COL8A1: variants seen among roughly 807,000 people sequenced by gnomAD.
COL8A1 encodes the protein collagen type VIII alpha 1 chain, also known as collagen alpha-1(VIII) chain.
In COL8A1, 21 loss-of-function variants were observed where a neutral mutation model predicts 42.7. The observed-to-expected ratio is 0.49, with a 90% CI of 0.35 to 0.71. COL8A1 has a LOEUF of 0.71. Ranked by LOEUF, COL8A1 falls within the 30% of genes least tolerant of loss-of-function variation. The pLI is 0.01. For synonymous variants in COL8A1, 367 were observed against 369.1 expected (o/e 0.99, Z 0.06); for missense variants, 788 against 962.4 (o/e 0.82, Z 2.40).
chr3:99,662,754 T>G (rs1259344170), intron 1 of COL8A1, among the ~76,000 whole-genome samples: 3 of 152,190 alleles, frequency 2.0e-5, no homozygotes, highest in African/African-American at 7.2e-5. Flanking sequence ...TAGCTTCTGA[T>G]GGTTTGCTGG....
At chr3:99,707,901 T>TTAC (rs1163832117) in intron 1 of COL8A1, among the ~76,000 whole-genome samples, 1 of 150,624 alleles carries the variant, frequency 6.6e-6, no homozygotes, top group Non-Finnish European at 1.5e-5. Flanking sequence ...GATAGTGTTT[T>TTAC]TATTATTATT....
chr3:99,722,057 C>G (rs953891890), intron 1 of COL8A1, among the ~76,000 whole-genome samples: 1 of 151,978 alleles, frequency 6.6e-6, no homozygotes, highest in African/African-American at 2.4e-5. Context: ...ATGCTATGAA[C>G]TTTTTTCAAT....
chr3:99,656,250 G>T lies in COL8A1; in HGVS notation c.-129+17586G>T, dbSNP rs545050252. On this transcript the variant is annotated intron_variant, in intron 1 of 3. Transcript: ENST00000652472. Reference sequence around the variant, plus strand: ...TTTATTCTAATATGTGTGTGTCTATGCAAACACACATGCATAAATGCATAT... The same window carrying T: ...TTTATTCTAATATGTGTGTGTCTATTCAAACACACATGCATAAATGCATAT... Among the ~76,000 whole-genome samples the T allele has an allele frequency of 1.4e-4, 22 of 152,272 alleles. No individual in the cohort carries two copies. The South Asian group carries it at 1.7e-3, about 11-fold the overall frequency.
In COL8A1 at chr3:99,654,548, G is replaced by A. The variant is rs139717461; in HGVS notation, c.-129+15884G>A. Among the ~76,000 whole-genome samples, 1,283 of 152,226 alleles carry A rather than the reference G, an allele frequency of 8.4e-3. 19 individuals are homozygous for A. Among genetic ancestry groups the A allele is most frequent in the African/African-American group, 0.029 (1,225 of 41,528 alleles). ...CACACCTGTAATCCCAGCACTTTGG[G>A]AGATGAAGACAGGTAGATCACTTGA... On this transcript the variant is annotated intron_variant, in intron 1 of 3. Coordinates refer to ENST00000652472, the MANE Select transcript of COL8A1 (RefSeq NM_020351.4).
At chr3:99,659,722 T>C (rs1938140007) in intron 1 of COL8A1, among the ~76,000 whole-genome samples, 1 of 152,234 alleles carries the variant, frequency 6.6e-6, no homozygotes, top group Admixed American at 6.5e-5. Flanking sequence ...TATATCTTTT[T>C]GTCCTTTATG....
intron 1 of COL8A1, among the ~76,000 whole-genome samples, chr3:99,744,129 A>G (rs1270042148): frequency 1.3e-5 from 2 of 152,022 alleles, no homozygotes; most frequent in African/African-American, 4.8e-5. Flanking sequence ...ACGGGGTTTC[A>G]CCGTGTTAGC....
At chr3:99,676,220 G>A (rs538668320) in intron 1 of COL8A1, among the ~76,000 whole-genome samples, 1 of 152,122 alleles carries the variant, frequency 6.6e-6, no homozygotes, top group Non-Finnish European at 1.5e-5. Context: ...CCACATCCAG[G>A]TAGCTTCGCC....
chr3:99,741,923 C>T (rs1209490896), intron 1 of COL8A1, among the ~76,000 whole-genome samples: 1 of 152,154 alleles, frequency 6.6e-6, no homozygotes, highest in Non-Finnish European at 1.5e-5. Context: ...TAAGGTATAA[C>T]ATTTTTTAAG....
chr3:99,782,655 G>A (rs2107448776), intron 2 of COL8A1, among the ~76,000 whole-genome samples: 1 of 152,296 alleles, frequency 6.6e-6, no homozygotes, highest in African/African-American at 2.4e-5. Context: ...GCCTCTCAAA[G>A]TGCTAGGATT....
intron 1 of COL8A1, among the ~76,000 whole-genome samples, chr3:99,673,655 A>T (rs920030534): frequency 1.3e-5 from 2 of 151,842 alleles, no homozygotes; most frequent in African/African-American, 4.8e-5. Context: ...TTTCACTCTG[A>T]TTGTAAGATA....
chr3:99,776,329 AT>A (rs981220759), intron 2 of COL8A1, among the ~76,000 whole-genome samples: 6 of 152,034 alleles, frequency 3.9e-5, no homozygotes, highest in South Asian at 4.2e-4. Context: ...GGTTCTTTGT[AT>A]TTTTTTTCAT....
intron 1 of COL8A1, among the ~76,000 whole-genome samples, chr3:99,721,625 G>A (rs903274941): frequency 6.6e-6 from 1 of 152,060 alleles, no homozygotes; most frequent in Non-Finnish European, 1.5e-5. Flanking sequence ...TGTAATAGAA[G>A]AAGAATGGCT....
At chr3:99,781,750 G>A (rs1030177991) in intron 2 of COL8A1, among the ~76,000 whole-genome samples, 1 of 152,120 alleles carries the variant, frequency 6.6e-6, no homozygotes, top group Non-Finnish European at 1.5e-5. Flanking sequence ...AGTCCTTCTA[G>A]AGCCATACTA....
In COL8A1 at chr3:99,795,704, CG is replaced by C. The variant is rs1942093032; in HGVS notation, c.1807del (p.Ala603LeufsTer20). 1 of 1,613,982 alleles carries C rather than the reference CG, an allele frequency of 6.2e-7. No individual in the cohort carries two copies. Among genetic ancestry groups the C allele is most frequent in the African/African-American group, 1.3e-5 (1 of 74,906 alleles). On this transcript the variant is annotated frameshift_variant, in exon 4 of 4. Transcript: ENST00000652472. LOFTEE classifies it high-confidence loss of function. The part of the protein sequence containing the change: ...IDGVKPPHAY[G>X]AKKGKNGGPA... ...ATGGCGTGAAACCCCCCCATGCCTA[CG>C]GGGCTAAGAAAGGCAAGAATGGAGG...
At chr3:99,715,279 G>T (rs768521914) in intron 1 of COL8A1, among the ~76,000 whole-genome samples, 4 of 152,052 alleles carry the variant, frequency 2.6e-5, no homozygotes, top group Non-Finnish European at 4.4e-5. Context: ...AGAGACTGTT[G>T]CAGTAAACAA....
At position 99,795,973 on chromosome 3, in the gene COL8A1, A is replaced by G. The variant is rs1253103910; in HGVS notation, c.2072A>G (p.Glu691Gly). The change falls in exon 4 of 4, where the codon GAG (glutamate) becomes GGG (glycine). Residue 691 changes from glutamate (E) to glycine (G), a missense_variant. This residue lies in a region of COL8A1 where 212 missense variants were observed against 210.9 expected (regional missense o/e 1.00). Coordinates refer to ENST00000652472, the MANE Select transcript of COL8A1 (RefSeq NM_020351.4). The stretch of plus-strand genomic sequence containing the variant: ...GAGCCCGTGATGTACACGTACGACG[A>G]GTACAAAAAGGGCTTCCTGGACCAG... The part of the protein sequence containing the change: ...NNEPVMYTYD[E>G]YKKGFLDQAS... 1 of 1,614,022 alleles carries G rather than the reference A, an allele frequency of 6.2e-7. No homozygotes were observed.
chr3:99,748,137 T>A (rs187917947), intron 2 of COL8A1, among the ~76,000 whole-genome samples: 9 of 152,302 alleles, frequency 5.9e-5, no homozygotes, highest in Admixed American at 5.2e-4. Flanking sequence ...TGAGACCCAG[T>A]GAAACTAAAT....
chr3:99,671,710 A>G (rs1205087564), intron 1 of COL8A1, among the ~76,000 whole-genome samples: 1 of 151,996 alleles, frequency 6.6e-6, no homozygotes, highest in Non-Finnish European at 1.5e-5. Context: ...ACCATTGTAC[A>G]TTGTTGGTGG....
intron 2 of COL8A1, among the ~76,000 whole-genome samples, chr3:99,754,938 G>A (rs1404187238): frequency 6.6e-6 from 1 of 152,158 alleles, no homozygotes; most frequent in African/African-American, 2.4e-5. Context: ...CAAATTCATG[G>A]TAATGAAGGA....
Sources: allele counts gnomAD v4.1 joint callset (sites outside exome capture counted in the v4.1 genomes callset), GRCh38; gene constraint gnomAD v4.1.1; regional missense constraint gnomAD v4.1.1; transcripts MANE v1.5; gene names NCBI Gene and HGNC (gene_info 2026-07-23, HGNC 2026-07-21).